The following TNFRSF21 variants were observed in gnomAD, a reference collection of about 807,000 sequenced individuals.
TNFRSF21 encodes the protein TNF receptor superfamily member 21.
Under a neutral mutation model 45.6 loss-of-function variants are expected in TNFRSF21, and 19 were observed. The ratio of observed to expected loss-of-function variants is 0.42; its 90% CI spans 0.29 to 0.61. TNFRSF21 has a LOEUF of 0.61. TNFRSF21 is among the 20% of genes least tolerant of loss of function. The probability of loss-of-function intolerance (pLI) is 0.23; values close to 1 mark genes in which losing one functional copy is unlikely to be tolerated. For missense variants in TNFRSF21, 737 were observed against 851.5 expected, an observed-to-expected ratio of 0.87 and a Z score of 1.67; for synonymous variants, 314 against 335.5, an observed-to-expected ratio of 0.94 and a Z score of 0.70.
intron 1 of TNFRSF21, among the ~76,000 whole-genome samples, chr6:47,306,146 A>G (rs1258271987): frequency 6.6e-6 from 1 of 152,192 alleles, no homozygotes; most frequent in Non-Finnish European, 1.5e-5. Flanking sequence ...TGAGCCCCAG[A>G]CTTTTGAACC....
chr6:47,267,245 C>T (rs1273440733), intron 3 of TNFRSF21, among the ~76,000 whole-genome samples: 3 of 151,996 alleles, frequency 2.0e-5, no homozygotes, highest in South Asian at 2.1e-4. Flanking sequence ...ACTACAGGCA[C>T]GCACCACTAC....
chr6:47,258,879 G>C (rs1357532728), intron 3 of TNFRSF21, among the ~76,000 whole-genome samples: 4 of 152,142 alleles, frequency 2.6e-5, no homozygotes, highest in Non-Finnish European at 4.4e-5. Context: ...TGACTCCTCA[G>C]CTCTGTTGGA....
At chr6:47,270,995 C>T (rs1032210123) in intron 3 of TNFRSF21, among the ~76,000 whole-genome samples, 1 of 152,116 alleles carries the variant, frequency 6.6e-6, no homozygotes, top group African/African-American at 2.4e-5. Context: ...CAAACAGAGC[C>T]TCCAAGAAAT....
At chr6:47,275,688 C>T (rs1289872241) in intron 3 of TNFRSF21, among the ~76,000 whole-genome samples, 3 of 152,198 alleles carry the variant, frequency 2.0e-5, no homozygotes, top group East Asian at 3.9e-4. Context: ...TCACATTCTC[C>T]CTAAAAGCAC....
chr6:47,289,653 G>C (rs1447293707), intron 1 of TNFRSF21, among the ~76,000 whole-genome samples: 1 of 152,066 alleles, frequency 6.6e-6, no homozygotes, highest in Non-Finnish European at 1.5e-5. Flanking sequence ...GAGCACAGCG[G>C]ATGCACTGGA....
chr6:47,253,748 A>ACCACACTTCC (rs1161202513), intron 3 of TNFRSF21, among the ~76,000 whole-genome samples: 4 of 152,210 alleles, frequency 2.6e-5, no homozygotes, highest in Non-Finnish European at 5.9e-5. Flanking sequence ...AGAAGAAGGA[A>ACCACACTTCC]TGATCATGGA....
At chr6:47,250,593 GA>G (rs1438140991) in intron 4 of TNFRSF21, among the ~76,000 whole-genome samples, 1 of 152,104 alleles carries the variant, frequency 6.6e-6, no homozygotes, top group Non-Finnish European at 1.5e-5. Context: ...CTTATGAAGA[GA>G]AAAAACATTG....
At chr6:47,295,292 T>C (rs2113868260) in intron 1 of TNFRSF21, among the ~76,000 whole-genome samples, 1 of 152,340 alleles carries the variant, frequency 6.6e-6, no homozygotes, top group African/African-American at 2.4e-5. Context: ...TAACAATTCT[T>C]ACTCCATGAC....
At chr6:47,267,256 G>A (rs1762346996) in intron 3 of TNFRSF21, among the ~76,000 whole-genome samples, 2 of 151,566 alleles carry the variant, frequency 1.3e-5, no homozygotes, top group South Asian at 2.1e-4. Context: ...GCACCACTAC[G>A]CCCAGCTAAT....
At chr6:47,265,661 G>C (rs1278142622) in intron 3 of TNFRSF21, among the ~76,000 whole-genome samples, 1 of 152,138 alleles carries the variant, frequency 6.6e-6, no homozygotes, top group Admixed American at 6.5e-5. Context: ...ACTTAGAACA[G>C]GACATGGCAC....
intron 1 of TNFRSF21, among the ~76,000 whole-genome samples, chr6:47,290,625 C>A (rs1455898735): frequency 6.6e-6 from 1 of 152,100 alleles, no homozygotes; most frequent in African/African-American, 2.4e-5. Flanking sequence ...AAAACTCGGC[C>A]CTGTTTAAAC....
chr6:47,282,391 A>T (rs1023793607), intron 3 of TNFRSF21, among the ~76,000 whole-genome samples: 1 of 133,026 alleles, frequency 7.5e-6, no homozygotes, highest in Non-Finnish European at 1.5e-5. Context: ...TCTCAAAAAA[A>T]AAATAAAAAA....
intron 1 of TNFRSF21, among the ~76,000 whole-genome samples, chr6:47,295,221 A>G (rs1391976429): frequency 6.6e-6 from 1 of 152,140 alleles, no homozygotes; most frequent in Non-Finnish European, 1.5e-5. Flanking sequence ...GGGCCTGACT[A>G]AGGACAAGAA....
At chr6:47,283,078 C>T (rs1762593022) in intron 3 of TNFRSF21, among the ~76,000 whole-genome samples, 1 of 152,176 alleles carries the variant, frequency 6.6e-6, no homozygotes, top group South Asian at 2.1e-4. Flanking sequence ...AGATATACCC[C>T]TTTCTCTTTG....
chr6:47,292,278 T>C (rs375120408), intron 1 of TNFRSF21, among the ~76,000 whole-genome samples: 1 of 152,062 alleles, frequency 6.6e-6, no homozygotes, highest in Admixed American at 6.6e-5. Flanking sequence ...CTGGTCAAGA[T>C]CCTTAATTCC....
In TNFRSF21 at chr6:47,287,465, G is replaced by T. The variant is rs1248798640; in HGVS notation, c.97-870C>A. ...TAAAAAAAAAACTTGCCCTGTTCTT[G>T]TCTTTAGAAGATGTATTTTAATAAA... On this transcript the variant is annotated intron_variant, in intron 1 of 5. Coordinates refer to ENST00000296861, the MANE Select transcript of TNFRSF21 (RefSeq NM_014452.5). Among the ~76,000 whole-genome samples, 8 of 151,032 alleles carry T rather than the reference G, an allele frequency of 5.3e-5. No homozygotes were observed. In the East Asian group the frequency reaches 1.5e-3, roughly 29 times the overall value.
intron 5 of TNFRSF21, 45 bp downstream of exon 5, chr6:47,234,625 T>C (rs1764635738): frequency 6.7e-7 from 1 of 1,487,130 alleles, no homozygotes; most frequent in Non-Finnish European, 9.2e-7. Context: ...AGGGGCTCTT[T>C]GGGGGGTTTA....
rs1258527665 is a variant in TNFRSF21, at chr6:47,232,594, G to T, written c.*171C>A. ...AAAAAGAGAGAGAGAGAAGGAGAAA[G>T]AACTCAAGCACTGGCCATATTCTCT... On this transcript the variant is annotated 3_prime_UTR_variant, in exon 6 of 6. Coordinates refer to ENST00000296861, the MANE Select transcript of TNFRSF21 (RefSeq NM_014452.5). 3 of 567,822 alleles carry T rather than the reference G, an allele frequency of 5.3e-6. No homozygotes were observed. The highest frequency in any genetic ancestry group is 9.0e-6 in the Non-Finnish European group (3 of 331,874). 35.2% of individuals were successfully genotyped at this position (567,822 alleles called of 1,614,324 possible). A position where few individuals can be genotyped will look rare whatever the true frequency, so the allele number is the denominator to read the frequency against.
At chr6:47,244,463 A>T (rs1315607705) in intron 4 of TNFRSF21, among the ~76,000 whole-genome samples, 1 of 152,040 alleles carries the variant, frequency 6.6e-6, no homozygotes, top group African/African-American at 2.4e-5. Flanking sequence ...AACAATTTCA[A>T]CCTGTGATTA....
Sources: gnomAD v4.1 joint callset for allele counts (sites outside exome capture counted in the v4.1 genomes callset) on GRCh38, gnomAD v4.1.1 for gene constraint, MANE v1.5 for transcripts, NCBI Gene and HGNC (gene_info 2026-07-23, HGNC 2026-07-21) for gene names.